Variants in DACH2 observed in about 807,000 individuals in gnomAD.
DACH2 encodes dachshund family transcription factor 2, also known as dachshund homolog 2.
In DACH2, 17 loss-of-function variants were observed where a neutral mutation model predicts 35.8. The ratio of observed to expected loss-of-function variants is 0.48; its 90% CI spans 0.33 to 0.71. The LOEUF (loss-of-function observed/expected upper bound fraction) is 0.71. Among genes scored for constraint, DACH2 ranks in the 30% least tolerant of loss-of-function variants. DACH2 has a pLI of 0.02. For missense variants in DACH2, 469 were observed against 472.7 expected, an observed-to-expected ratio of 0.99 and a Z score of 0.07; for synonymous variants, 195 against 177.3, an observed-to-expected ratio of 1.10 and a Z score of -0.79.
chrX:86,618,910 A>G (rs940676705), intron 3 of DACH2, among the ~76,000 whole-genome samples: 4 of 112,102 alleles, frequency 3.6e-5, no homozygotes, highest in African/African-American at 1.3e-4. Flanking sequence ...CTACCACACT[A>G]GAATTGGCTC....
At chrX:86,188,392 G>A (rs759482307) in intron 1 of DACH2, among the ~76,000 whole-genome samples, 2 of 111,661 alleles carry the variant, frequency 1.8e-5, no homozygotes, top group East Asian at 5.7e-4. Flanking sequence ...TTTGGATAAA[G>A]TATTTATTGG....
chrX:86,325,215 A>G (rs55841415), intron 1 of DACH2, among the ~76,000 whole-genome samples: 5 of 111,672 alleles, frequency 4.5e-5, no homozygotes, highest in African/African-American at 1.6e-4. Context: ...TGCTGTGTGA[A>G]TATCTGGTAT....
At position 86,527,264 on chromosome X, in the gene DACH2, T is replaced by G. The variant is rs1022263839; in HGVS notation, c.640+12873T>G. On this transcript the variant is annotated intron_variant, in intron 3 of 11. Transcript: ENST00000373125. ...CATAGAAAGTACAATTTGAGAATTTTGGACTGTTGCTCACCTATGAAACCA... is the reference window on the plus strand; with the variant it reads ...CATAGAAAGTACAATTTGAGAATTTGGGACTGTTGCTCACCTATGAAACCA... Among the ~76,000 whole-genome samples the G allele has an allele frequency of 2.7e-5, 3 of 111,847 alleles. No homozygotes were observed. In the Admixed American group the frequency reaches 2.8e-4, roughly 11 times the overall value.
At chrX:86,302,823 T>G (rs1159771524) in intron 1 of DACH2, among the ~76,000 whole-genome samples, 1 of 110,192 alleles carries the variant, frequency 9.1e-6, no homozygotes, top group Non-Finnish European at 1.9e-5. Flanking sequence ...TAAAGATTCT[T>G]AGGAATTCAT....
chrX:86,516,342 A>G (rs1263689369), intron 3 of DACH2, among the ~76,000 whole-genome samples: 2 of 111,618 alleles, frequency 1.8e-5, no homozygotes, highest in Non-Finnish European at 3.8e-5. Flanking sequence ...GAAGAAAAGA[A>G]TTTTAAAATT....
intron 1 of DACH2, among the ~76,000 whole-genome samples, chrX:86,280,850 A>G (rs749620748): frequency 8.9e-6 from 1 of 112,104 alleles, no homozygotes; most frequent in African/African-American, 3.2e-5. Context: ...AAAAGAGACA[A>G]AGAAGGGCAT....
intron 7 of DACH2, among the ~76,000 whole-genome samples, chrX:86,740,526 C>T (rs1287597857): frequency 1.2e-5 from 1 of 80,621 alleles, no homozygotes; most frequent in African/African-American, 4.6e-5. Flanking sequence ...ACAACAGTCC[C>T]CGGAGTATGA....
At chrX:86,388,230 CCTT>C (rs779625048) in intron 2 of DACH2, among the ~76,000 whole-genome samples, 6 of 111,695 alleles carry the variant, frequency 5.4e-5, no homozygotes, top group South Asian at 3.7e-4. Flanking sequence ...CTTTGTCACT[CCTT>C]CTTGTGCAAC....
intron 3 of DACH2, among the ~76,000 whole-genome samples, chrX:86,567,811 CA>C (rs1454833912): frequency 2.7e-5 from 3 of 111,197 alleles, no homozygotes; most frequent in Non-Finnish European, 5.7e-5. Context: ...GGTATTTTCA[CA>C]AATGAGCTGA....
At chrX:86,417,196 G>A (rs1005668900) in intron 2 of DACH2, among the ~76,000 whole-genome samples, 5 of 107,590 alleles carry the variant, frequency 4.6e-5, no homozygotes, top group Non-Finnish European at 9.6e-5. Flanking sequence ...AGCCTTTCAT[G>A]AGGAATCTGA....
At chrX:86,756,738 G>A (rs2041833572) in intron 7 of DACH2, among the ~76,000 whole-genome samples, 1 of 110,621 alleles carries the variant, frequency 9.0e-6, no homozygotes, top group African/African-American at 3.3e-5. Flanking sequence ...TTTCTTTTAT[G>A]TAATTGCTCT....
At chrX:86,783,777 A>G (rs2042111078) in intron 7 of DACH2, among the ~76,000 whole-genome samples, 1 of 111,553 alleles carries the variant, frequency 9.0e-6, no homozygotes, top group Non-Finnish European at 1.9e-5. Context: ...TTGGGGATCT[A>G]AAGATCAAAA....
intron 3 of DACH2, among the ~76,000 whole-genome samples, chrX:86,617,384 G>A (rs1321690327): frequency 2.7e-5 from 3 of 110,883 alleles, no homozygotes; most frequent in Non-Finnish European, 3.8e-5. Flanking sequence ...CCATTTTAAT[G>A]ATGTTGATTC....
chrX:86,485,629 A>T (rs1213765447), intron 2 of DACH2, among the ~76,000 whole-genome samples: 1 of 111,760 alleles, frequency 8.9e-6, no homozygotes, highest in East Asian at 2.8e-4. Flanking sequence ...TATCCCATAA[A>T]TATGTACAAT....
chrX:86,529,993 A>ACACT (rs1178067172), intron 3 of DACH2, among the ~76,000 whole-genome samples: 1 of 108,891 alleles, frequency 9.2e-6, no homozygotes, highest in East Asian at 2.9e-4. Flanking sequence ...ACACACACAC[A>ACACT]CACACACACA....
chrX:86,400,728 G>C (rs776803642), intron 2 of DACH2, among the ~76,000 whole-genome samples: 1 of 111,474 alleles, frequency 9.0e-6, no homozygotes, highest in African/African-American at 3.3e-5. Context: ...CTGCCTGATC[G>C]TTCCTCTGGA....
At chrX:86,381,196 A>G (rs143197794) in intron 2 of DACH2, among the ~76,000 whole-genome samples, 4,992 of 110,086 alleles carry the variant, frequency 0.045, 142 homozygotes, top group East Asian at 0.21. Flanking sequence ...TTACTCTCCT[A>G]CCAGCAATAT....
chrX:86,624,710 A>C (rs2148381530), intron 3 of DACH2, among the ~76,000 whole-genome samples: 1 of 112,070 alleles, frequency 8.9e-6, no homozygotes, highest in South Asian at 3.7e-4. Context: ...ATAGTTTAGT[A>C]AACTATTATC....
intron 4 of DACH2, among the ~76,000 whole-genome samples, chrX:86,689,237 A>G (rs1352983848): frequency 9.3e-6 from 1 of 107,330 alleles, no homozygotes; most frequent in East Asian, 3.2e-4. Context: ...CCGGTCTGAT[A>G]AACTGCTGAA....
Sources: allele counts gnomAD v4.1 joint callset (sites outside exome capture counted in the v4.1 genomes callset), GRCh38; gene constraint gnomAD v4.1.1; transcripts MANE v1.5; gene names NCBI Gene and HGNC (gene_info 2026-07-23, HGNC 2026-07-21).